Variants in ENTPD1 observed in about 807,000 individuals in gnomAD.
ENTPD1 encodes ectonucleoside triphosphate diphosphohydrolase 1, also known as ATP diphosphohydrolase.
In ENTPD1, 33 loss-of-function variants were observed where a neutral mutation model predicts 57.0. The observed-to-expected ratio is 0.58, with a 90% CI of 0.44 to 0.77. The LOEUF (loss-of-function observed/expected upper bound fraction) is 0.77. Among genes scored for constraint, ENTPD1 ranks in the 30% least tolerant of loss-of-function variants. The probability of loss-of-function intolerance (pLI) is 0.00; values close to 1 mark genes in which losing one functional copy is unlikely to be tolerated. For missense variants in ENTPD1, 501 were observed against 603.4 expected (o/e 0.83, Z 1.78); for synonymous variants, 202 against 218.8 (o/e 0.92, Z 0.68).
Position 95,839,617 on chromosome 10 carries a change from TC to T in ENTPD1, c.145-72del. 3.4e-6 allele frequency: 5 copies of T among 1,485,324 alleles called. No individual in the cohort carries two copies. The South Asian group carries it at 5.7e-5, about 17-fold the overall frequency. 92.0% of individuals were successfully genotyped at this position (1,485,324 alleles called of 1,614,324 possible). A position where few individuals can be genotyped will look rare whatever the true frequency, so the allele number is the denominator to read the frequency against. On this transcript the variant is annotated intron_variant, in intron 2 of 9. Transcript: ENST00000371205. ...CTCCTCATGTTTTTGAAAATTCCAG[TC>T]CTTTCTTTTGCAAGCCTAATATGGA...
At chr10:95,784,141 G>A (rs1294556234) in intron 1 of ENTPD1, among the ~76,000 whole-genome samples, 2 of 142,086 alleles carry the variant, frequency 1.4e-5, no homozygotes, top group African/African-American at 2.7e-5. Flanking sequence ...GATCAGTGTA[G>A]CAATTTGACC....
At chr10:95,755,494 A>G, upstream of ENTPD1, 1 of 591,630 alleles carries the variant, frequency 1.7e-6, no homozygotes, top group Non-Finnish European at 3.0e-6. Context: ...CATGCTCATT[A>G]GACTTCAAAG....
At chr10:95,699,856 G>T in the ENTPD1 span, among the ~76,000 whole-genome samples, 1 of 152,206 alleles carries the variant, frequency 6.6e-6, no homozygotes, top group Non-Finnish European at 1.5e-5. Context: ...AGAAGCAGCA[G>T]CCTAGAATAT....
At chr10:95,811,578 G>C (rs1219716757) in intron 1 of ENTPD1, among the ~76,000 whole-genome samples, 1 of 152,138 alleles carries the variant, frequency 6.6e-6, no homozygotes, top group African/African-American at 2.4e-5. Context: ...TGTAGAGATA[G>C]GGTCTCTCCC....
At position 95,872,741 on chromosome 10, in the gene ENTPD1, C is replaced by G. The variant is rs1315518004; in HGVS notation, c.*6358C>G. 5 of 985,332 alleles carry G rather than the reference C, an allele frequency of 5.1e-6. No homozygotes were observed. Among genetic ancestry groups the G allele is most frequent in the Non-Finnish European group, 3.6e-6 (3 of 829,944 alleles). 61.0% of individuals were successfully genotyped at this position (985,332 alleles called of 1,614,324 possible). On this transcript the variant is annotated 3_prime_UTR_variant, in exon 10 of 10. Coordinates refer to ENST00000371205, the MANE Select transcript of ENTPD1 (RefSeq NM_001776.6). ...ACTGCCAGGCCGACTACAAACCCTT[C>G]TGTTGCTGGCGAGCTGGTCCGCACC...
upstream of ENTPD1, among the ~76,000 whole-genome samples, chr10:95,708,228 T>G (rs1368332378): frequency 6.6e-6 from 1 of 151,850 alleles, no homozygotes. Context: ...ATTTTTTTTT[T>G]TTTTGAGACA....
chr10:95,708,557 G>C (rs1246556686), upstream of ENTPD1, among the ~76,000 whole-genome samples: 2 of 152,218 alleles, frequency 1.3e-5, no homozygotes, highest in Non-Finnish European at 2.9e-5. Context: ...ATCCACACAA[G>C]TGTAGAAGAG....
chr10:95,746,508 C>T (rs1232977679), intron 1 of ENTPD1, among the ~76,000 whole-genome samples: 2 of 151,942 alleles, frequency 1.3e-5, no homozygotes, highest in Non-Finnish European at 2.9e-5. Context: ...AATTAAATTC[C>T]AATCTCTGAG....
chr10:95,741,387 A>C (rs1229090894), intron 1 of ENTPD1, among the ~76,000 whole-genome samples: 1 of 152,198 alleles, frequency 6.6e-6, no homozygotes, highest in East Asian at 1.9e-4. Context: ...GGTGCCCCAA[A>C]ACAGTTACAA....
intron 2 of ENTPD1, among the ~76,000 whole-genome samples, chr10:95,827,741 C>T (rs1040490191): frequency 5.3e-5 from 8 of 152,078 alleles, no homozygotes; most frequent in Non-Finnish European, 1.0e-4. Flanking sequence ...CTTGGCCTCC[C>T]AAAGTGTTGG....
rs188717223 is a variant in ENTPD1, at chr10:95,782,667, A to G, written c.16+26412A>G. On this transcript the variant is annotated intron_variant, in intron 1 of 9. Coordinates refer to ENST00000371205, the MANE Select transcript of ENTPD1 (RefSeq NM_001776.6). ...GATGAACAGGGAAGATGTGAAGGAA[A>G]AAGGAAGAGAGAATTTTCCCCCTTG... is the stretch of plus-strand genomic sequence containing the variant. Among the ~76,000 whole-genome samples the G allele has an allele frequency of 1.2e-4, 19 of 152,302 alleles. No homozygotes were observed. In the East Asian group the frequency reaches 1.7e-3, roughly 14 times the overall value.
At chr10:95,825,166 C>T (rs2140582841) in intron 2 of ENTPD1, among the ~76,000 whole-genome samples, 1 of 152,336 alleles carries the variant, frequency 6.6e-6, no homozygotes, top group African/African-American at 2.4e-5. Context: ...GCACTAGCCA[C>T]ATTTCAAGTG....
chr10:95,863,410 A>G (rs1231052609), intron 8 of ENTPD1, among the ~76,000 whole-genome samples: 1 of 152,208 alleles, frequency 6.6e-6, no homozygotes. Context: ...TCACAAAGGG[A>G]AAGCAGAATG....
chr10:95,844,408 A>C, intron 4 of ENTPD1, 68 bp from the exon 5 acceptor site: 1 of 1,603,528 alleles, frequency 6.2e-7, no homozygotes, highest in Non-Finnish European at 8.5e-7. Context: ...TGGATGCTGT[A>C]GCTGAAATGG....
intron 7 of ENTPD1, among the ~76,000 whole-genome samples, chr10:95,851,586 C>A (rs1458710884): frequency 6.9e-5 from 9 of 130,970 alleles, no homozygotes; most frequent in African/African-American, 2.0e-4. Flanking sequence ...CCCCTCCCCC[C>A]ACCCCACGAC....
At chr10:95,787,832 A>G (rs1429868368) in intron 1 of ENTPD1, among the ~76,000 whole-genome samples, 1 of 152,158 alleles carries the variant, frequency 6.6e-6, no homozygotes, top group Non-Finnish European at 1.5e-5. Flanking sequence ...AGTATTAACA[A>G]AAAAAAGTAT....
At chr10:95,820,668 C>T (rs1170798592) in intron 1 of ENTPD1, among the ~76,000 whole-genome samples, 2 of 152,222 alleles carry the variant, frequency 1.3e-5, no homozygotes, top group African/African-American at 4.8e-5. Flanking sequence ...GAGAGGCTTT[C>T]TTGACCCTCA....
chr10:95,722,657 G>T, intron 1 of ENTPD1, among the ~76,000 whole-genome samples: 1 of 141,510 alleles, frequency 7.1e-6, no homozygotes, highest in Admixed American at 7.0e-5. Context: ...GGGTTGGAGG[G>T]AGGGGGGAGG....
intron 1 of ENTPD1, among the ~76,000 whole-genome samples, chr10:95,735,659 G>A (rs565971675): frequency 6.6e-5 from 10 of 151,988 alleles, no homozygotes; most frequent in East Asian, 1.9e-4. Flanking sequence ...GCAATGGTGC[G>A]ATCTCGGCTC....
Sources: gnomAD v4.1 joint callset for allele counts (sites outside exome capture counted in the v4.1 genomes callset) on GRCh38, gnomAD v4.1.1 for gene constraint, MANE v1.5 for transcripts, NCBI Gene and HGNC (gene_info 2026-07-23, HGNC 2026-07-21) for gene names.